The following HGFAC variants were observed in gnomAD, a reference collection of about 807,000 sequenced individuals.
HGFAC encodes hepatocyte growth factor activator serine protease.
Under a neutral mutation model 70.6 loss-of-function variants are expected in HGFAC, and 76 were observed. That is an observed-to-expected ratio of 1.08 (90% CI 0.89 to 1.30). HGFAC has a LOEUF of 1.30. Among genes scored for constraint, HGFAC ranks in the 50% most tolerant of loss-of-function variants. HGFAC has a pLI of 0.00. For synonymous variants in HGFAC, 464 were observed against 405.3 expected (o/e 1.14, Z -1.74); for missense variants, 1,044 against 933.7 (o/e 1.12, Z -1.54).
At position 3,444,397 on chromosome 4, in the gene HGFAC, G is replaced by T. The variant is rs138611679; in HGVS notation, c.685G>T (p.Glu229Ter). The change falls in exon 6 of 14, where the codon GAG becomes TAG. Residue 229 changes from glutamate to a stop codon, truncating the protein, a stop_gained. Transcript: ENST00000382774. LOFTEE classifies it high-confidence loss of function. ...RVRQGHVEQC[E>*]CFGGRTWCEG... ...GCGCCAGGGCCACGTGGAACAGTGC[G>T]AGTGCTTCGGGGGCCGGACCTGGTG... 1 of 1,605,238 alleles carries T rather than the reference G, an allele frequency of 6.2e-7. No individual in the cohort carries two copies. The highest frequency in any genetic ancestry group is 1.1e-5 in the South Asian group (1 of 89,450).
rs759171739 is a variant in HGFAC at position 3,447,508 on chromosome 4, G to T, written c.1372G>T (p.Val458Phe). Residue 458 changes from valine (V) to phenylalanine (F), a missense_variant, in exon 11 of 14, where the codon GTC (valine) becomes TTC (phenylalanine). Coordinates refer to ENST00000382774, the MANE Select transcript of HGFAC (RefSeq NM_001528.4). ...CFSHSPPRDS[V>F]SVVLGQHFFN... The stretch of plus-strand genomic sequence containing the variant: ...CTTGCACAGCCCCCCCAGGGACAGC[G>T]TCTCCGTGGTGCTGGGCCAGCACTT... 2 of 1,612,604 alleles carry T rather than the reference G, an allele frequency of 1.2e-6. No homozygotes were observed. The highest frequency in any genetic ancestry group is 1.7e-6 in the Non-Finnish European group (2 of 1,179,876).
intron 13 of HGFAC, among the ~76,000 whole-genome samples, chr4:3,448,661 A>G (rs530495952): frequency 2.0e-5 from 3 of 151,672 alleles, no homozygotes; most frequent in Admixed American, 6.5e-5. Flanking sequence ...TCAACCTTCA[A>G]TAAGCCCAAC....
Position 3,444,984 on chromosome 4 carries a change from C to G in HGFAC, c.1007C>G (p.Ala336Gly). 1 of 1,590,982 alleles carries G rather than the reference C, an allele frequency of 6.3e-7. No homozygotes were observed. The highest frequency in any genetic ancestry group is 8.5e-7 in the Non-Finnish European group (1 of 1,171,100). Residue 336 changes from alanine (A) to glycine (G), a missense_variant, in exon 8 of 14, where the codon GCC (alanine) becomes GGC (glycine). Physicochemically the swap from Ala to Gly is moderately conservative, Grantham distance 60. Coordinates refer to ENST00000382774, the MANE Select transcript of HGFAC (RefSeq NM_001528.4). ...AAALLGLGPH[A>G]YCRNPDNDER... is the part of the protein sequence containing the mutation. ...GCCCTGCTGGGCCTGGGCCCCCATGCCTACTGCCGGTCAGCACCACGCCGC... is the reference window on the plus strand; with the variant it reads ...GCCCTGCTGGGCCTGGGCCCCCATGGCTACTGCCGGTCAGCACCACGCCGC...
rs555694497 is a variant in HGFAC at position 3,444,096 on chromosome 4, C to A, written c.533C>A (p.Thr178Asn). 5.9e-5 allele frequency: 95 copies of A among 1,612,112 alleles called. No individual in the cohort carries two copies. The Middle Eastern group carries it at 1.2e-3, about 20-fold the overall frequency. ...CTCAATGGAGGCTCCTGCTCCAATA[C>A]CCAGGACCCCCAGTCCTATCACTGC... ...PCLNGGSCSN[T>N]QDPQSYHCSC... Residue 178 changes from threonine to asparagine, a missense_variant, in exon 5 of 14, where the codon ACC becomes AAC. By Grantham distance (65) the Thr-to-Asn change is moderately conservative. Transcript: ENST00000382774.
Position 3,444,632 on chromosome 4 carries a change from G to T in HGFAC, c.740G>T (p.Ser247Ile), listed in dbSNP as rs1227096947. The T allele has an allele frequency of 6.3e-7, 1 of 1,595,024 alleles. No individual in the cohort carries two copies. The highest frequency in any genetic ancestry group is 1.7e-5 in the Admixed American group (1 of 59,210). Reference protein sequence around the residue: ...CEGTRHTACLSSPCLNGGTCH... With the variant: ...CEGTRHTACLISPCLNGGTCH... Reference sequence around the variant, plus strand: ...TCGGCCCTGCCCCCAGCTTGTCTGAGCAGCCCTTGCCTGAACGGGGGCACC... The same window carrying T: ...TCGGCCCTGCCCCCAGCTTGTCTGATCAGCCCTTGCCTGAACGGGGGCACC... The change falls in exon 7 of 14, where the codon AGC becomes ATC. Residue 247 changes from serine (S) to isoleucine (I), a missense_variant. Transcript: ENST00000382774.
rs3752443 is a variant in HGFAC at position 3,445,289 on chromosome 4, C to G, written c.1041C>G (p.Pro347=). 2,527 of 1,587,506 alleles carry G rather than the reference C, an allele frequency of 1.6e-3. 49 individuals carry two copies. The Admixed American group carries it at 0.026, about 16-fold the overall frequency. The part of the protein sequence containing the change: ...YCRNPDNDER[P]WCYVVKDSAL... ...GGAATCCGGACAATGACGAGAGGCC[C>G]TGGTGCTACGTGGTGAAGGACAGCG... The change falls in exon 9 of 14, where the codon CCC becomes CCG. Residue 347 remains proline (P), a synonymous_variant. Transcript: ENST00000382774.
chr4:3,447,715 G>A (rs1577127546), intron 11 of HGFAC, 84 bp downstream of exon 11: 2 of 1,582,836 alleles, frequency 1.3e-6, no homozygotes, highest in South Asian at 1.1e-5. Context: ...GCAGGAGCTG[G>A]GCAGACATGT....
At chr4:3,447,047 C>T (rs1725534941) in intron 10 of HGFAC, among the ~76,000 whole-genome samples, 1 of 152,220 alleles carries the variant, frequency 6.6e-6, no homozygotes, top group Non-Finnish European at 1.5e-5. Flanking sequence ...GCGACCTCCA[C>T]ACAGCAGATG....
At chr4:3,445,438 G>A (rs1577125720) in intron 9 of HGFAC, 88 bp downstream of exon 9, 6 of 894,694 alleles carry the variant, frequency 6.7e-6, no homozygotes, top group African/African-American at 1.6e-5. Flanking sequence ...CCGCACACCT[G>A]GCTACTGCAT....
rs758089461 is a variant in HGFAC, at chr4:3,447,948, G to A, written c.1549G>A (p.Val517Met). 3.7e-6 allele frequency: 6 copies of A among 1,605,092 alleles called. No homozygotes were observed. The highest frequency in any genetic ancestry group is 2.2e-5 in the South Asian group (2 of 89,578). The change falls in exon 12 of 14, where the codon GTG (valine) becomes ATG (methionine). Residue 517 changes from valine (V) to methionine (M), a missense_variant. Physicochemically the swap from Val to Met is conservative, Grantham distance 21 (BLOSUM62 1). Transcript: ENST00000382774. The stretch of plus-strand genomic sequence containing the variant: ...CCGCTGTGCCACACGCTCGCAGTTC[G>A]TGCAGCCCATCTGCCTGCCCGAGCC... The part of the protein sequence containing the change: ...GDRCATRSQF[V>M]QPICLPEPGS...
rs781017955 is a variant in HGFAC at position 3,446,221 on chromosome 4, G to C, written c.1282G>C (p.Gly428Arg). The C allele has an allele frequency of 6.2e-7, 1 of 1,610,418 alleles. No individual in the cohort carries two copies. The highest frequency in any genetic ancestry group is 1.3e-5 in the African/African-American group (1 of 74,864). Residue 428 changes from glycine (G) to arginine (R), a missense_variant, in exon 10 of 14, where the codon GGG (glycine) becomes CGG (arginine). By Grantham distance (125) the Gly-to-Arg change is moderately radical. Coordinates refer to ENST00000382774, the MANE Select transcript of HGFAC (RefSeq NM_001528.4). ...CCCCTGGCTGGCCGCCATCTACATCGGGGACAGCTTCTGCGCCGGGAGCCT... is the reference window on the plus strand; with the variant it reads ...CCCCTGGCTGGCCGCCATCTACATCCGGGACAGCTTCTGCGCCGGGAGCCT... ...SHPWLAAIYI[G>R]DSFCAGSLVH...
At position 3,447,539 on chromosome 4, in the gene HGFAC, A is replaced by C; in HGVS notation, c.1403A>C (p.Asn468Thr). The C allele has an allele frequency of 6.2e-7, 1 of 1,612,568 alleles. No homozygotes were observed. The highest frequency in any genetic ancestry group is 8.5e-7 in the Non-Finnish European group (1 of 1,179,874). The change falls in exon 11 of 14, where the codon AAC (asparagine) becomes ACC (threonine). Residue 468 changes from asparagine (N) to threonine (T), a missense_variant. Transcript: ENST00000382774. Reference sequence around the variant, plus strand: ...GTGGTGCTGGGCCAGCACTTCTTCAACCGCACGACGGACGTGACGCAGACC... The same window carrying C: ...GTGGTGCTGGGCCAGCACTTCTTCACCCGCACGACGGACGTGACGCAGACC... Reference protein sequence around the residue: ...VSVVLGQHFFNRTTDVTQTFG... With the variant: ...VSVVLGQHFFTRTTDVTQTFG...
At chr4:3,447,742 G>C in intron 11 of HGFAC, 111 bp downstream of exon 11, 1 of 1,548,406 alleles carries the variant, frequency 6.5e-7, no homozygotes, top group Non-Finnish European at 8.8e-7. Flanking sequence ...GGGGAAGCTG[G>C]GGGCAGGGCA....
chr4:3,449,196 A>C (rs1170774463), intron 13 of HGFAC, 41 bp from the exon 14 acceptor site: 1 of 1,576,764 alleles, frequency 6.3e-7, no homozygotes, highest in East Asian at 2.3e-5. Context: ...TCCCTGAACC[A>C]GGCCCCTGGG....
rs769791370 is a variant in HGFAC at position 3,447,980 on chromosome 4, C to T, written c.1581C>T (p.Ser527=). 3.2e-6 allele frequency: 5 copies of T among 1,585,144 alleles called. No individual in the cohort carries two copies. In the South Asian group the frequency reaches 5.7e-5, roughly 18 times the overall value. ...VQPICLPEPG[S]TFPAGHKCQI... ...CCATCTGCCTGCCCGAGCCCGGCAG[C>T]ACCTTCCCCGCAGGACACAAGTGCC... is the stretch of plus-strand genomic sequence containing the variant. Residue 527 remains serine, a synonymous_variant, in exon 12 of 14, where the codon AGC becomes AGT. Transcript: ENST00000382774.
upstream of HGFAC, among the ~76,000 whole-genome samples, chr4:3,441,076 G>A (rs948545139): frequency 6.6e-6 from 1 of 152,088 alleles, no homozygotes; most frequent in Non-Finnish European, 1.5e-5. This position sits in a 1 kb window ranked among gnomAD's most constrained non-coding sequence, Gnocchi z 6.0. Flanking sequence ...GGAGGAACCC[G>A]AGGTGCCGTA....
chr4:3,443,928 T>A, intron 4 of HGFAC, 111 bp from the exon 5 acceptor site: 1 of 1,236,110 alleles, frequency 8.1e-7, no homozygotes, highest in East Asian at 2.5e-5. Context: ...GCCCCTTTGC[T>A]CTCAGAGCCC....
rs778962831 is a variant in HGFAC at position 3,443,045 on chromosome 4, C to T, written c.299-5C>T. ...AGCCCTGACCCTGCCACCCCCTCCCCACAGCACTCACCGAGGACGGGAGGC... is the reference window on the plus strand; with the variant it reads ...AGCCCTGACCCTGCCACCCCCTCCCTACAGCACTCACCGAGGACGGGAGGC... On this transcript the variant is annotated splice_polypyrimidine_tract_variant and splice_region_variant and intron_variant, in intron 2 of 13. Coordinates refer to ENST00000382774, the MANE Select transcript of HGFAC (RefSeq NM_001528.4). 4 of 1,596,008 alleles carry T rather than the reference C, an allele frequency of 2.5e-6. No homozygotes were observed. In the South Asian group the frequency reaches 4.4e-5, roughly 18 times the overall value.
Position 3,443,102 on chromosome 4 carries a change from C to A in HGFAC, c.351C>A (p.Arg117=). The A allele has an allele frequency of 1.3e-6, 2 of 1,595,734 alleles. No homozygotes were observed. The highest frequency in any genetic ancestry group is 2.7e-5 in the African/African-American group (2 of 74,884). Residue 117 remains arginine, a synonymous_variant, in exon 3 of 14, where the codon CGC becomes CGA. Coordinates refer to ENST00000382774, the MANE Select transcript of HGFAC (RefSeq NM_001528.4). The part of the protein sequence containing the change: ...PCRFPFRYGG[R]MLHACTSEGS... Reference sequence around the variant, plus strand: ...GGTTCCCCTTCCGCTACGGGGGCCGCATGCTGCATGCCTGCACTTCGGAGG... The same window carrying A: ...GGTTCCCCTTCCGCTACGGGGGCCGAATGCTGCATGCCTGCACTTCGGAGG...
Sources: allele counts gnomAD v4.1 joint callset (sites outside exome capture counted in the v4.1 genomes callset), GRCh38; gene constraint gnomAD v4.1.1; non-coding constraint Gnocchi (gnomAD v3.1); transcripts MANE v1.5; gene names NCBI Gene and HGNC (gene_info 2026-07-23, HGNC 2026-07-21).